Variants in ZNF318 observed in about 807,000 individuals in gnomAD.
The protein encoded by ZNF318 is endocrine regulator.
In ZNF318, 51 loss-of-function variants were observed where a neutral mutation model predicts 124.2. The ratio of observed to expected loss-of-function variants is 0.41; its 90% CI spans 0.33 to 0.52. The LOEUF (loss-of-function observed/expected upper bound fraction) is 0.52. Ranked by LOEUF, ZNF318 falls within the 20% of genes least tolerant of loss-of-function variation. ZNF318 has a pLI of 0.23. For missense variants in ZNF318, 2,815 were observed against 2,811.2 expected (o/e 1.00, Z -0.03); for synonymous variants, 1,090 against 1,040.7 (o/e 1.05, Z -0.91).
chr6:43,364,995 A>G (rs576101774), intron 2 of ZNF318, among the ~76,000 whole-genome samples: 4 of 152,272 alleles, frequency 2.6e-5, no homozygotes, highest in Admixed American at 2.6e-4. Flanking sequence ...TACCATCTCA[A>G]CTGTTCTTCA....
chr6:43,337,973 C>T lies in ZNF318; in HGVS notation c.6025G>A (p.Glu2009Lys), dbSNP rs141741360. 28 of 1,614,090 alleles carry T rather than the reference C, an allele frequency of 1.7e-5. No individual in the cohort carries two copies. Among genetic ancestry groups the T allele is most frequent in the Non-Finnish European group, 2.1e-5 (25 of 1,180,048 alleles). ...AGATTCCCCAGGGCAGTAAGCTCCT[C>T]TACCTTTAAGTCTGTAGCTTCAAAG... ...EDFEATDLKV[E>K]ELTALGNLGD... The change falls in exon 10 of 10, where the codon GAG becomes AAG. Residue 2009 changes from glutamate (E) to lysine (K), a missense_variant. Transcript: ENST00000361428.
At chr6:43,353,892 C>T (rs1236680790) in intron 4 of ZNF318, among the ~76,000 whole-genome samples, 1 of 152,130 alleles carries the variant, frequency 6.6e-6, no homozygotes. Context: ...ACCCCAGTCA[C>T]TGCTTTCTTC....
chr6:43,355,973 C>T lies in ZNF318; in HGVS notation c.1361G>A (p.Gly454Asp), dbSNP rs879241937. 6 of 1,614,066 alleles carry T rather than the reference C, an allele frequency of 3.7e-6. No individual in the cohort carries two copies. The highest frequency in any genetic ancestry group is 1.1e-5 in the South Asian group (1 of 91,092). ...KEPQGNLYQWGPLPGIPKDNS... is the reference protein window; with the variant it reads ...KEPQGNLYQWDPLPGIPKDNS... ...GTCTTTGGGAATCCCAGGAAGGGGA[C>T]CCCATTGGTAGAGGTTGCCCTGAGG... Residue 454 changes from glycine (G) to aspartate (D), a missense_variant, in exon 4 of 10, where the codon GGT (glycine) becomes GAT (aspartate). Gly to Asp is a moderately conservative substitution (Grantham distance 94). Around this residue, in one of 4 missense-constraint regions of ZNF318, gnomAD observed 1,377 missense variants for 1,353.5 expected, o/e 1.02. Coordinates refer to ENST00000361428, the MANE Select transcript of ZNF318 (RefSeq NM_014345.3).
intron 6 of ZNF318, among the ~76,000 whole-genome samples, chr6:43,343,521 C>G (rs1562129712): frequency 6.6e-6 from 1 of 152,046 alleles, no homozygotes; most frequent in Non-Finnish European, 1.5e-5. Flanking sequence ...CCTAAAATAT[C>G]ACTTTTAGAA....
chr6:43,350,236 C>T lies in ZNF318; in HGVS notation c.2771-1611G>A, dbSNP rs545236986. ...CTGCACTCTAGCCTGGGCAACAGAG[C>T]GAGGCTCCATCTCAAAGAAAGAAAG... On this transcript the variant is annotated intron_variant, in intron 5 of 9. Transcript: ENST00000361428. Among the ~76,000 whole-genome samples, 8 of 151,618 alleles carry T rather than the reference C, an allele frequency of 5.3e-5. No individual in the cohort carries two copies. The South Asian group carries it at 6.2e-4, about 12-fold the overall frequency.
At position 43,369,235 on chromosome 6, in the gene ZNF318, G is replaced by A. The variant is rs1779803926; in HGVS notation, c.131C>T (p.Pro44Leu). Residue 44 changes from proline to leucine, a missense_variant, in exon 1 of 10, where the codon CCG (proline) becomes CTG (leucine). Around this residue, in one of 4 missense-constraint regions of ZNF318, gnomAD observed 1,377 missense variants for 1,353.5 expected, o/e 1.02. Transcript: ENST00000361428. The stretch of plus-strand genomic sequence containing the variant: ...GGTCCGCGACGAGGAGCCGGAGGGC[G>A]GAGGCGGCGGTGAGCTGCGGCGAGC... ...GPARRSSPPP[P>L]PSGSSSRTPA... The A allele has an allele frequency of 8.1e-7, 1 of 1,232,432 alleles. No individual in the cohort carries two copies. The highest frequency in any genetic ancestry group is 1.0e-6 in the Non-Finnish European group (1 of 987,538). The allele number at this position is 1,232,432 out of a possible 1,614,324, so 76.3% of individuals were successfully genotyped here. A position where few individuals can be genotyped will look rare whatever the true frequency, so the allele number is the denominator to read the frequency against.
chr6:43,357,986 T>G (rs1779634017), intron 2 of ZNF318, among the ~76,000 whole-genome samples: 1 of 152,216 alleles, frequency 6.6e-6, no homozygotes, highest in South Asian at 2.1e-4. Flanking sequence ...ATAGATCTCT[T>G]GGGTAATTTC....
intron 2 of ZNF318, among the ~76,000 whole-genome samples, chr6:43,362,795 C>T (rs1003082467): frequency 4.6e-5 from 7 of 152,024 alleles, no homozygotes; most frequent in Admixed American, 1.3e-4. Flanking sequence ...TGAGCCACTG[C>T]GCCAGGCCCA....
chr6:43,360,919 T>C (rs944933711), intron 2 of ZNF318, among the ~76,000 whole-genome samples: 4 of 152,172 alleles, frequency 2.6e-5, no homozygotes, highest in African/African-American at 9.7e-5. Flanking sequence ...AGTGATTGCC[T>C]ATGGCTGGGG....
Position 43,369,080 on chromosome 6 carries a change from G to T in ZNF318, c.286C>A (p.Arg96=). ...GCCGGGCCCGGCGGGAAGAGTCGTCGGCCCCGCGGTGGCGACGGGGAGCCG... is the reference window on the plus strand; with the variant it reads ...GCCGGGCCCGGCGGGAAGAGTCGTCTGCCCCGCGGTGGCGACGGGGAGCCG... ...RRGSPSPPRG[R]RLFPPGPAGF... Residue 96 remains arginine (R), a synonymous_variant, in exon 1 of 10, where the codon CGA becomes AGA. Transcript: ENST00000361428. 1 of 1,280,714 alleles carries T rather than the reference G, an allele frequency of 7.8e-7. No individual in the cohort carries two copies. The highest frequency in any genetic ancestry group is 9.9e-7 in the Non-Finnish European group (1 of 1,013,668). 79.3% of individuals were successfully genotyped at this position (1,280,714 alleles called of 1,614,324 possible). A position where few individuals can be genotyped will look rare whatever the true frequency, so the allele number is the denominator to read the frequency against.
In ZNF318 at chr6:43,356,032, G is replaced by A. The variant is rs907579953; in HGVS notation, c.1302C>T (p.Asn434=). The A allele has an allele frequency of 6.8e-6, 11 of 1,614,080 alleles. No homozygotes were observed. The highest frequency in any genetic ancestry group is 5.1e-6 in the Non-Finnish European group (6 of 1,180,044). ...AGGCAGTCTCTACCATAGTCCCCTT[G>A]TTTTCAATCTCTGAGGCAAAAGCAG... is the stretch of plus-strand genomic sequence containing the variant. The part of the protein sequence containing the change: ...AIAAFASEIE[N]KGTMVETALK... The change falls in exon 4 of 10, where the codon AAC becomes AAT. Residue 434 remains asparagine (N), a synonymous_variant. Coordinates refer to ENST00000361428, the MANE Select transcript of ZNF318 (RefSeq NM_014345.3).
chr6:43,360,745 A>G (rs1779670492), intron 2 of ZNF318, among the ~76,000 whole-genome samples: 5 of 152,238 alleles, frequency 3.3e-5, no homozygotes, highest in Admixed American at 3.3e-4. Context: ...ATATCCATAC[A>G]ATAAAATATT....
intron 5 of ZNF318, among the ~76,000 whole-genome samples, chr6:43,351,878 C>T (rs1779528436): frequency 6.6e-6 from 1 of 152,214 alleles, no homozygotes; most frequent in South Asian, 2.1e-4. Flanking sequence ...TGGGAGCTCA[C>T]GCCTGTAATC....
At chr6:43,343,827 CAAAAAAAA>C (rs10560070) in intron 6 of ZNF318, among the ~76,000 whole-genome samples, 14 of 101,932 alleles carry the variant, frequency 1.4e-4, no homozygotes, top group Admixed American at 1.1e-3. Context: ...GACCCTGTCT[CAAAAAAAA>C]AAAAAAAAAA....
At chr6:43,343,170 T>A (rs1438719113) in intron 6 of ZNF318, among the ~76,000 whole-genome samples, 2 of 152,220 alleles carry the variant, frequency 1.3e-5, no homozygotes, top group African/African-American at 4.8e-5. Context: ...AAACATTGGC[T>A]GCCTCTGGGG....
At position 43,357,231 on chromosome 6, in the gene ZNF318, C is replaced by G; in HGVS notation, c.1083G>C (p.Ser361=). The change falls in exon 3 of 10, where the codon TCG becomes TCC. Residue 361 remains serine, a synonymous_variant. Coordinates refer to ENST00000361428, the MANE Select transcript of ZNF318 (RefSeq NM_014345.3). ...GCCGATGCAAAGAATATCCTGGCTC[C>G]GATGCTGTTAGGACACCTGACAATC... is the stretch of plus-strand genomic sequence containing the variant. The part of the protein sequence containing the change: ...IPGLSGVLTA[S]EPGYSLHRPE... 6.2e-7 allele frequency: 1 copy of G among 1,614,176 alleles called. No individual in the cohort carries two copies. Among genetic ancestry groups the G allele is most frequent in the African/African-American group, 1.3e-5 (1 of 75,042 alleles).
In ZNF318 at chr6:43,369,050, A is replaced by AGCCG. The variant is rs1779799222; in HGVS notation, c.312_315dup (p.Phe106ArgfsTer38). 1 of 1,371,646 alleles carries AGCCG rather than the reference A, an allele frequency of 7.3e-7. No individual in the cohort carries two copies. The highest frequency in any genetic ancestry group is 9.4e-7 in the Non-Finnish European group (1 of 1,058,726). The allele number at this position is 1,371,646 out of a possible 1,614,324, so 85.0% of individuals were successfully genotyped here. On this transcript the variant is annotated frameshift_variant, in exon 1 of 10. Transcript: ENST00000361428. LOFTEE classifies it high-confidence loss of function. ...GACTCCCCCCGGCTGCTGCCTCTGAAGCCGGCCGGGCCCGGCGGGAAGAGT... is the reference window on the plus strand; with the variant it reads ...GACTCCCCCCGGCTGCTGCCTCTGAAGCCGGCCGGCCGGGCCCGGCGGGAAGAGT...
At position 43,369,147 on chromosome 6, in the gene ZNF318, T is replaced by C. The variant is rs1303969772; in HGVS notation, c.219A>G (p.Pro73=). ...HRGRRASPSP[P]RGRRVSPSPP... ...GGGACGGGGAGACGCGACGACCCCGTGGCGGGGACGGCGAGGCCCGGCGGC... is the reference window on the plus strand; with the variant it reads ...GGGACGGGGAGACGCGACGACCCCGCGGCGGGGACGGCGAGGCCCGGCGGC... The change falls in exon 1 of 10, where the codon CCA becomes CCG. Residue 73 remains proline (P), a synonymous_variant. Transcript: ENST00000361428. 1.6e-6 allele frequency: 2 copies of C among 1,221,188 alleles called. No individual in the cohort carries two copies. Among genetic ancestry groups the C allele is most frequent in the Non-Finnish European group, 2.0e-6 (2 of 981,982 alleles). 75.6% of individuals were successfully genotyped at this position (1,221,188 alleles called of 1,614,324 possible).
intron 1 of ZNF318, among the ~76,000 whole-genome samples, chr6:43,366,138 CTCAG>C (rs1420803250): frequency 6.6e-6 from 1 of 152,134 alleles, no homozygotes; most frequent in African/African-American, 2.4e-5. Flanking sequence ...AAAGGTTTTT[CTCAG>C]GTGATAACCT....
Sources: gnomAD v4.1 joint callset for allele counts (sites outside exome capture counted in the v4.1 genomes callset) on GRCh38, gnomAD v4.1.1 for gene constraint, gnomAD v4.1.1 regional missense constraint, MANE v1.5 for transcripts, NCBI Gene and HGNC (gene_info 2026-07-23, HGNC 2026-07-21) for gene names.